Variants in ST6GALNAC5 observed in about 807,000 individuals in gnomAD.
The protein encoded by ST6GALNAC5 is alpha-N-acetylgalactosaminide alpha-2,6-sialyltransferase 5.
Under a neutral mutation model 33.6 loss-of-function variants are expected in ST6GALNAC5, and 27 were observed. The ratio of observed to expected loss-of-function variants is 0.80; its 90% CI spans 0.59 to 1.11. ST6GALNAC5 has a LOEUF of 1.11. Among genes scored for constraint, ST6GALNAC5 ranks in the 50% least tolerant of loss-of-function variants. The pLI is 0.00. For missense variants in ST6GALNAC5, 428 were observed against 454.0 expected (o/e 0.94, Z 0.52); for synonymous variants, 194 against 171.2 (o/e 1.13, Z -1.04).
At chr1:76,951,478 T>A (rs904256685) in intron 2 of ST6GALNAC5, among the ~76,000 whole-genome samples, 31 of 152,096 alleles carry the variant, frequency 2.0e-4, no homozygotes, top group African/African-American at 6.7e-4. Flanking sequence ...CTGTTTTGGA[T>A]CTGTAGTTAT....
At chr1:77,051,347 T>C (rs1393399782) in intron 4 of ST6GALNAC5, among the ~76,000 whole-genome samples, 1 of 152,174 alleles carries the variant, frequency 6.6e-6, no homozygotes, top group Non-Finnish European at 1.5e-5. Context: ...CTAATTGATA[T>C]GGAAGAGTCA....
intron 2 of ST6GALNAC5, among the ~76,000 whole-genome samples, chr1:76,913,269 A>G (rs1201919941): frequency 6.6e-6 from 1 of 151,592 alleles, no homozygotes; most frequent in African/African-American, 2.4e-5. Context: ...TGGCTTGTAG[A>G]GTTTCTGCCA....
At chr1:76,890,065 C>T (rs1025155933) in intron 2 of ST6GALNAC5, among the ~76,000 whole-genome samples, 4 of 152,068 alleles carry the variant, frequency 2.6e-5, no homozygotes, top group Admixed American at 6.6e-5. Flanking sequence ...TGGACTATAT[C>T]TTTGGGAATT....
At chr1:76,981,288 T>C (rs1649241469) in intron 2 of ST6GALNAC5, among the ~76,000 whole-genome samples, 1 of 152,132 alleles carries the variant, frequency 6.6e-6, no homozygotes, top group African/African-American at 2.4e-5. Context: ...CCCACCCAAA[T>C]ACTGTGCTTT....
chr1:76,923,525 T>C (rs543377750), intron 2 of ST6GALNAC5, among the ~76,000 whole-genome samples: 2 of 152,188 alleles, frequency 1.3e-5, no homozygotes, highest in East Asian at 3.9e-4. Flanking sequence ...AAACCCCGTC[T>C]GTACTAAAAA....
intron 2 of ST6GALNAC5, among the ~76,000 whole-genome samples, chr1:76,892,023 A>T (rs905783850): frequency 2.0e-5 from 3 of 152,224 alleles, no homozygotes; most frequent in African/African-American, 7.2e-5. Context: ...ATTTCCAAAG[A>T]TTCTGTGAAG....
intron 2 of ST6GALNAC5, among the ~76,000 whole-genome samples, chr1:76,944,509 C>G (rs979572359): frequency 6.6e-6 from 1 of 151,940 alleles, no homozygotes; most frequent in Non-Finnish European, 1.5e-5. Flanking sequence ...AACTTCTCCC[C>G]CAACAAGTAT....
In ST6GALNAC5 at chr1:76,982,192, A is replaced by G. The variant is rs570585187; in HGVS notation, c.262-62012A>G. Among the ~76,000 whole-genome samples, 5 of 152,188 alleles carry G rather than the reference A, an allele frequency of 3.3e-5. No homozygotes were observed. In the East Asian group the frequency reaches 9.7e-4, roughly 29 times the overall value. On this transcript the variant is annotated intron_variant, in intron 2 of 4. Transcript: ENST00000477717. ...TGAGTTGACAGAAGTAGTCTTCAGA[A>G]GGTCGGTAATAACAAACTTCTCTGA... is the stretch of plus-strand genomic sequence containing the variant.
intron 2 of ST6GALNAC5, chr1:76,869,025 A>C: frequency 2.8e-6 from 1 of 362,210 alleles, no homozygotes. Context: ...TGATCCCCAG[A>C]ATTGCAGCTG....
At chr1:77,048,586 G>A (rs1215170167) in intron 3 of ST6GALNAC5, among the ~76,000 whole-genome samples, 2 of 152,180 alleles carry the variant, frequency 1.3e-5, no homozygotes, top group Non-Finnish European at 2.9e-5. Context: ...TATGTAGGCT[G>A]AAGGCTTCTG....
intron 4 of ST6GALNAC5, among the ~76,000 whole-genome samples, chr1:77,061,917 T>A (rs892863328): frequency 6.6e-6 from 1 of 152,162 alleles, no homozygotes; most frequent in Non-Finnish European, 1.5e-5. Flanking sequence ...GGACTGAGGA[T>A]GTAGAGTTTC....
intron 2 of ST6GALNAC5, among the ~76,000 whole-genome samples, chr1:77,017,029 C>T (rs1650874808): frequency 6.7e-6 from 1 of 149,898 alleles, no homozygotes; most frequent in South Asian, 2.1e-4. Flanking sequence ...ATCATTGAAC[C>T]AAAAGAGAGG....
At chr1:76,956,575 G>T (rs887810050) in intron 2 of ST6GALNAC5, among the ~76,000 whole-genome samples, 17 of 151,962 alleles carry the variant, frequency 1.1e-4, no homozygotes, top group Admixed American at 1.1e-3. Context: ...TTGTTTCTTT[G>T]TCTCACTCAT....
chr1:76,975,043 T>A (rs986713619), intron 2 of ST6GALNAC5, among the ~76,000 whole-genome samples: 1 of 152,066 alleles, frequency 6.6e-6, no homozygotes, highest in Non-Finnish European at 1.5e-5. Flanking sequence ...TGCCTCAGCC[T>A]CCCAAACTGC....
intron 2 of ST6GALNAC5, among the ~76,000 whole-genome samples, chr1:76,933,166 G>A (rs1217387248): frequency 6.6e-6 from 1 of 152,006 alleles, no homozygotes; most frequent in Non-Finnish European, 1.5e-5. Context: ...TGTGTCTAGG[G>A]AAATGGTCTA....
rs1653398168 is a variant in ST6GALNAC5, at chr1:76,868,304, C to T, written c.16-193C>T. Among the ~76,000 whole-genome samples the T allele has an allele frequency of 6.6e-6, 1 of 151,970 alleles. No individual in the cohort carries two copies. The highest frequency in any genetic ancestry group is 1.5e-5 in the Non-Finnish European group (1 of 67,968). ...GCGGCGGCGGCCGAAAGCAGCGACG[C>T]GCCCGGAGCATCCCTTGCGATACGC... On this transcript the variant is annotated intron_variant, in intron 1 of 4. Coordinates refer to ENST00000477717, the MANE Select transcript of ST6GALNAC5 (RefSeq NM_030965.3). This position sits in a 1 kb window ranked among gnomAD's most constrained non-coding sequence, Gnocchi z 4.3.
At chr1:76,911,776 G>C (rs981052211) in intron 2 of ST6GALNAC5, among the ~76,000 whole-genome samples, 3 of 151,452 alleles carry the variant, frequency 2.0e-5, no homozygotes, top group Non-Finnish European at 3.0e-5. Context: ...ATTGCTGTGG[G>C]ATCGGTGGTT....
intron 2 of ST6GALNAC5, among the ~76,000 whole-genome samples, chr1:76,920,144 T>C (rs1475114012): frequency 2.0e-5 from 3 of 152,164 alleles, no homozygotes; most frequent in Non-Finnish European, 4.4e-5. Context: ...ATCCATATCA[T>C]TCATGTCCAG....
In ST6GALNAC5 at chr1:76,915,998, T is replaced by C. The variant is rs551135469; in HGVS notation, c.261+47256T>C. 6.1e-4 allele frequency among the ~76,000 whole-genome samples: 92 copies of C among 151,462 alleles called. 2 individuals carry two copies. The highest frequency in any genetic ancestry group is 6.0e-3 in the Admixed American group (92 of 15,236). On this transcript the variant is annotated intron_variant, in intron 2 of 4. Coordinates refer to ENST00000477717, the MANE Select transcript of ST6GALNAC5 (RefSeq NM_030965.3). ...TACCAAAATAAAGGTAACAGTGATC[T>C]GGCCATCTGCATTTTAAAAAAAAAA... is the stretch of plus-strand genomic sequence containing the variant.
Sources: gnomAD v4.1 joint callset for allele counts (sites outside exome capture counted in the v4.1 genomes callset) on GRCh38, gnomAD v4.1.1 for gene constraint, Gnocchi (gnomAD v3.1) non-coding constraint, MANE v1.5 for transcripts, NCBI Gene and HGNC (gene_info 2026-07-23, HGNC 2026-07-21) for gene names.